Variants in WDR11 observed in about 807,000 individuals in gnomAD.
WDR11 encodes the protein WD repeat-containing protein 11.
WDR11 carries 83 observed loss-of-function variants against 151.2 expected under a neutral mutation model. That is an observed-to-expected ratio of 0.55 (90% CI 0.46 to 0.66). WDR11 has a LOEUF of 0.66. Among genes scored for constraint, WDR11 ranks in the 30% least tolerant of loss-of-function variants. The probability of loss-of-function intolerance (pLI) is 0.00; values close to 1 mark genes in which losing one functional copy is unlikely to be tolerated. For synonymous variants in WDR11, 484 were observed against 533.1 expected, an observed-to-expected ratio of 0.91 and a Z score of 1.27; for missense variants, 1,301 against 1,480.9, an observed-to-expected ratio of 0.88 and a Z score of 1.99.
intron 11 of WDR11, among the ~76,000 whole-genome samples, chr10:120,874,995 G>C (rs1846714320): frequency 6.6e-6 from 1 of 151,522 alleles, no homozygotes; most frequent in Non-Finnish European, 1.5e-5. Context: ...GCCCCAGTGT[G>C]TGATGTTCCT....
Position 120,891,597 on chromosome 10 carries a change from G to C in WDR11, c.2515+710G>C, listed in dbSNP as rs181230731. On this transcript the variant is annotated intron_variant, in intron 19 of 28. Coordinates refer to ENST00000263461, the MANE Select transcript of WDR11 (RefSeq NM_018117.12). ...CTTGGAGTGGAGGAGGGAACTTCTT[G>C]CCTGAGTATTCTCCCAGCAAAACTT... Among the ~76,000 whole-genome samples the C allele has an allele frequency of 1.8e-4, 27 of 152,286 alleles. No individual in the cohort carries two copies. The East Asian group carries it at 4.8e-3, about 27-fold the overall frequency.
rs967250409 is a variant in WDR11, at chr10:120,878,253, T to C, written c.1557-100T>C. ...ATGCTTACTTTTTAATTAATTTGTG[T>C]AATAAAATTTAGGTCTTTGGAAAAC... is the stretch of plus-strand genomic sequence containing the variant. On this transcript the variant is annotated intron_variant, in intron 11 of 28. Coordinates refer to ENST00000263461, the MANE Select transcript of WDR11 (RefSeq NM_018117.12). 1.8e-5 allele frequency: 15 copies of C among 854,034 alleles called. No homozygotes were observed. The Admixed American group carries it at 2.9e-4, about 16-fold the overall frequency. The allele number at this position is 854,034 out of a possible 1,614,324, so 52.9% of individuals were successfully genotyped here.
intron 25 of WDR11, 64 bp from the exon 26 acceptor site, chr10:120,905,255 T>G: frequency 6.5e-7 from 1 of 1,544,858 alleles, no homozygotes; most frequent in Non-Finnish European, 8.9e-7. Flanking sequence ...GGATTTAACT[T>G]TTTAATGACT....
intron 11 of WDR11, 133 bp downstream of exon 11, chr10:120,874,056 C>A: frequency 1.5e-6 from 1 of 668,208 alleles, no homozygotes; most frequent in Non-Finnish European, 2.7e-6. Context: ...ATATTCATGT[C>A]CAACTAATGG....
intron 19 of WDR11, 49 bp from the exon 20 acceptor site, chr10:120,899,980 G>A (rs1394906717): frequency 1.8e-5 from 26 of 1,461,120 alleles, no homozygotes; most frequent in African/African-American, 2.8e-5. Flanking sequence ...AAGCTTCACT[G>A]TAGTATAAAA....
chr10:120,880,844 G>C lies in WDR11; in HGVS notation c.1682G>C (p.Arg561Pro). The change falls in exon 13 of 29, where the codon CGT becomes CCT. Residue 561 changes from arginine to proline, a missense_variant. Physicochemically the swap from Arg to Pro is moderately radical, Grantham distance 103 (BLOSUM62 -2). This residue lies in a region of WDR11 where 692 missense variants were observed against 762.5 expected (regional missense o/e 0.91). Transcript: ENST00000263461. ...DLPTGRSIAF[R>P]GERGNDESAI... The stretch of plus-strand genomic sequence containing the variant: ...ATTAAAGGTAGGAGCATTGCTTTTC[G>C]TGGTGAAAGAGGCAATGATGAATCT... 1 of 1,605,174 alleles carries C rather than the reference G, an allele frequency of 6.2e-7. No homozygotes were observed. The highest frequency in any genetic ancestry group is 8.5e-7 in the Non-Finnish European group (1 of 1,174,506).
At chr10:120,870,799 A>G (rs779349437) in intron 9 of WDR11, among the ~76,000 whole-genome samples, 3 of 152,202 alleles carry the variant, frequency 2.0e-5, no homozygotes, top group Non-Finnish European at 2.9e-5. Flanking sequence ...AATGAGAAAA[A>G]TGTGGTACAG....
At chr10:120,853,500 C>G (rs57595498) in intron 2 of WDR11, among the ~76,000 whole-genome samples, 3 of 152,170 alleles carry the variant, frequency 2.0e-5, no homozygotes, top group East Asian at 1.9e-4. Context: ...CTCCTGACCT[C>G]GTGATCCACC....
chr10:120,893,020 T>G (rs1847479122), intron 19 of WDR11, among the ~76,000 whole-genome samples: 1 of 151,966 alleles, frequency 6.6e-6, no homozygotes, highest in African/African-American at 2.4e-5. Flanking sequence ...TTTTTAATTT[T>G]ATTATTATTA....
chr10:120,906,672 A>G (rs1440217534), intron 27 of WDR11, 104 bp from the exon 28 acceptor site: 5 of 1,601,030 alleles, frequency 3.1e-6, no homozygotes, highest in African/African-American at 2.7e-5. Context: ...TGCAGTATGC[A>G]GGTTTCCAGG....
intron 27 of WDR11, chr10:120,906,287 G>C: frequency 7.5e-7 from 1 of 1,334,688 alleles, no homozygotes; most frequent in South Asian, 1.5e-5. Flanking sequence ...AGTCTTCAGA[G>C]AATTGGGGTC....
chr10:120,862,673 G>T, intron 4 of WDR11, 62 bp from the exon 5 acceptor site: 1 of 1,530,210 alleles, frequency 6.5e-7, no homozygotes, highest in Non-Finnish European at 9.1e-7. Context: ...AATTGTATTG[G>T]AATAAAACTG....
chr10:120,860,424 A>G (rs1846102094), intron 4 of WDR11, 142 bp downstream of exon 4: 10 of 936,824 alleles, frequency 1.1e-5, no homozygotes, highest in Non-Finnish European at 1.6e-5. Context: ...TCTAGTCCAT[A>G]TATCTGCAGC....
At chr10:120,908,094 TA>T (rs199852134) in intron 28 of WDR11, 10 of 180,774 alleles carry the variant, frequency 5.5e-5, no homozygotes, top group East Asian at 2.6e-4. Flanking sequence ...TAAAAATAAA[TA>T]AAAAAAAACC....
chr10:120,899,747 C>T, intron 19 of WDR11: 1 of 399,302 alleles, frequency 2.5e-6, no homozygotes, highest in Non-Finnish European at 4.6e-6. Context: ...CGCACCACCG[C>T]ACTCCAGCCT....
intron 2 of WDR11, among the ~76,000 whole-genome samples, chr10:120,857,790 A>T (rs1451818769): frequency 6.6e-6 from 1 of 152,212 alleles, no homozygotes; most frequent in South Asian, 2.1e-4. Context: ...TATTAAACAG[A>T]CCTTGGACAC....
intron 2 of WDR11, among the ~76,000 whole-genome samples, chr10:120,856,542 T>C (rs1454467940): frequency 3.9e-5 from 5 of 127,500 alleles, no homozygotes; most frequent in Non-Finnish European, 7.7e-5. Flanking sequence ...GCCACTGCAC[T>C]CCAGCCTCGG....
intron 2 of WDR11, 113 bp downstream of exon 2, chr10:120,852,748 TAAC>T (rs1845824826): frequency 3.3e-6 from 3 of 898,408 alleles, no homozygotes; most frequent in Middle Eastern, 6.2e-4. Flanking sequence ...CTTTTAAATA[TAAC>T]AACCTATTTG....
chr10:120,878,538 T>C, intron 12 of WDR11, 79 bp downstream of exon 12: 1 of 1,174,288 alleles, frequency 8.5e-7, no homozygotes, highest in Non-Finnish European at 1.3e-6. Flanking sequence ...TGAAAGTACT[T>C]CTTTCACCTT....
Sources: allele counts gnomAD v4.1 joint callset (sites outside exome capture counted in the v4.1 genomes callset), GRCh38; gene constraint gnomAD v4.1.1; regional missense constraint gnomAD v4.1.1; transcripts MANE v1.5; gene names NCBI Gene and HGNC (gene_info 2026-07-23, HGNC 2026-07-21).